Variants in MCTP1 observed in about 807,000 individuals in gnomAD.
MCTP1 encodes multiple C2 and transmembrane domain containing 1.
Under a neutral mutation model 120.6 loss-of-function variants are expected in MCTP1, and 69 were observed. That is an observed-to-expected ratio of 0.57 (90% CI 0.47 to 0.70). MCTP1 has a LOEUF of 0.70. MCTP1 is among the 30% of genes least tolerant of loss of function. MCTP1 has a pLI of 0.00. For missense variants in MCTP1, 1,203 were observed against 1,248.8 expected (o/e 0.96, Z 0.55); for synonymous variants, 529 against 493.1 (o/e 1.07, Z -0.96).
At chr5:95,221,563 C>G (rs139287036) in intron 1 of MCTP1, among the ~76,000 whole-genome samples, 5 of 152,338 alleles carry the variant, frequency 3.3e-5, no homozygotes. Flanking sequence ...CAGAATAAAG[C>G]AGACTGACAT....
At chr5:95,123,870 C>T (rs1488765032) in intron 1 of MCTP1, among the ~76,000 whole-genome samples, 5 of 152,208 alleles carry the variant, frequency 3.3e-5, no homozygotes, top group East Asian at 3.9e-4. Flanking sequence ...AGGATGGTCT[C>T]GATCTCCTGA....
chr5:95,043,823 G>A (rs1388818490), intron 1 of MCTP1, among the ~76,000 whole-genome samples: 1 of 152,072 alleles, frequency 6.6e-6, no homozygotes, highest in Non-Finnish European at 1.5e-5. Context: ...ATTAGTAAAG[G>A]CTGCATTCTA....
chr5:94,942,661 TAAGA>T (rs1818012622), intron 3 of MCTP1, among the ~76,000 whole-genome samples: 1 of 152,104 alleles, frequency 6.6e-6, no homozygotes, highest in Admixed American at 6.6e-5. Flanking sequence ...AACAGAACTT[TAAGA>T]TAGATGTAAC....
At chr5:95,229,996 G>A (rs2152644171) in intron 1 of MCTP1, among the ~76,000 whole-genome samples, 1 of 152,138 alleles carries the variant, frequency 6.6e-6, no homozygotes, top group South Asian at 2.1e-4. Context: ...CCAGCATAAT[G>A]GAGAAGAAAA....
At chr5:95,188,585 C>A (rs1306508337) in intron 1 of MCTP1, among the ~76,000 whole-genome samples, 1 of 152,086 alleles carries the variant, frequency 6.6e-6, no homozygotes, top group Non-Finnish European at 1.5e-5. Context: ...AAATGTCAAT[C>A]TTAAAAGTTG....
intron 17 of MCTP1, among the ~76,000 whole-genome samples, chr5:94,838,629 C>G (rs1790326399): frequency 6.6e-6 from 1 of 152,174 alleles, no homozygotes; most frequent in Non-Finnish European, 1.5e-5. Context: ...CCCATTTGAA[C>G]TTGAAATTCT....
chr5:95,227,822 A>T (rs1754455902), intron 1 of MCTP1, among the ~76,000 whole-genome samples: 1 of 152,194 alleles, frequency 6.6e-6, no homozygotes. Context: ...CAAAGCATTT[A>T]TCAAACTGTA....
chr5:94,924,062 T>G, intron 6 of MCTP1, 41 bp from the exon 7 acceptor site: 1 of 1,175,718 alleles, frequency 8.5e-7, no homozygotes, highest in Non-Finnish European at 1.2e-6. Context: ...TGAGATGTTT[T>G]TGAGAATAAT....
At chr5:95,098,494 C>A (rs916209262) in intron 1 of MCTP1, among the ~76,000 whole-genome samples, 3 of 151,894 alleles carry the variant, frequency 2.0e-5, no homozygotes, top group African/African-American at 4.8e-5. Context: ...AACAGAGAGC[C>A]AAATCATGAG....
intron 2 of MCTP1, 41 bp downstream of exon 2, chr5:95,017,326 C>T: frequency 7.9e-7 from 1 of 1,263,526 alleles, no homozygotes; most frequent in Non-Finnish European, 1.1e-6. Flanking sequence ...GTCATAAACA[C>T]ATAAAAAAGC....
Position 95,146,051 on chromosome 5 carries a change from A to C in MCTP1, c.721-128567T>G, listed in dbSNP as rs1452909663. ...TTTCTTTTTTTTTAATTACTGATTC[A>C]ATTTCAGAGGTTGTTATTGGTCCGT... On this transcript the variant is annotated intron_variant, in intron 1 of 22. Coordinates refer to ENST00000515393, the MANE Select transcript of MCTP1 (RefSeq NM_024717.7). 2.0e-5 allele frequency among the ~76,000 whole-genome samples: 3 copies of C among 151,618 alleles called. No individual in the cohort carries two copies. The East Asian group carries it at 5.8e-4, about 29-fold the overall frequency.
At chr5:94,939,566 C>A (rs1247067730) in intron 5 of MCTP1, among the ~76,000 whole-genome samples, 1 of 151,964 alleles carries the variant, frequency 6.6e-6, no homozygotes, top group Non-Finnish European at 1.5e-5. Flanking sequence ...GACGTACAGA[C>A]AGCTAGTGCT....
intron 19 of MCTP1, among the ~76,000 whole-genome samples, chr5:94,764,387 C>A (rs1164236696): frequency 1.3e-5 from 2 of 152,138 alleles, no homozygotes; most frequent in South Asian, 2.1e-4. Context: ...ATCCATGCAT[C>A]CTTGTTTACT....
Position 94,712,409 on chromosome 5 carries a change from C to T in MCTP1, c.2721-1482G>A, listed in dbSNP as rs114211363. Among the ~76,000 whole-genome samples the T allele has an allele frequency of 8.0e-3, 921 of 114,766 alleles. 6 individuals are homozygous for T. The highest frequency in any genetic ancestry group is 0.026 in the African/African-American group (858 of 33,044). The allele number at this position is 114,766 out of a possible 152,430, so 75.3% of individuals were successfully genotyped here. The stretch of plus-strand genomic sequence containing the variant: ...TTCCTGGTATTGTATATTGTACTTA[C>T]TTGAGGTGAGTTTTTTTTTTTCAGG... On this transcript the variant is annotated intron_variant, in intron 20 of 22. Coordinates refer to ENST00000515393, the MANE Select transcript of MCTP1 (RefSeq NM_024717.7).
chr5:95,215,645 C>T (rs1278490239), intron 1 of MCTP1, among the ~76,000 whole-genome samples: 1 of 151,794 alleles, frequency 6.6e-6, no homozygotes, highest in Non-Finnish European at 1.5e-5. Context: ...AGCCTTTCTG[C>T]TTTTTTTCTC....
chr5:94,936,293 T>C (rs994116318), intron 5 of MCTP1, among the ~76,000 whole-genome samples: 8 of 152,000 alleles, frequency 5.3e-5, no homozygotes, highest in African/African-American at 1.9e-4. Context: ...AGGAAGACTT[T>C]ATGTATTATA....
At chr5:95,216,450 G>A (rs765455666) in intron 1 of MCTP1, among the ~76,000 whole-genome samples, 9 of 152,122 alleles carry the variant, frequency 5.9e-5, no homozygotes, top group Non-Finnish European at 1.3e-4. Flanking sequence ...ACAGCTACCC[G>A]TAGCAAGAAT....
intron 18 of MCTP1, among the ~76,000 whole-genome samples, chr5:94,791,131 A>T (rs1243020407): frequency 6.8e-6 from 1 of 146,450 alleles, no homozygotes; most frequent in Non-Finnish European, 1.5e-5. Context: ...AAAAAAAAAA[A>T]AAGAAAAAAA....
chr5:94,941,280 C>T (rs746081486), intron 4 of MCTP1, among the ~76,000 whole-genome samples: 9 of 151,974 alleles, frequency 5.9e-5, no homozygotes, highest in Non-Finnish European at 1.2e-4. Flanking sequence ...CTCCATGCAA[C>T]ACCACTTAGG....
Sources: allele counts gnomAD v4.1 joint callset (sites outside exome capture counted in the v4.1 genomes callset), GRCh38; gene constraint gnomAD v4.1.1; transcripts MANE v1.5; gene names NCBI Gene and HGNC (gene_info 2026-07-23, HGNC 2026-07-21).